KLHL29: variants seen among roughly 807,000 people sequenced by gnomAD.
KLHL29 encodes kelch-like protein 29.
A neutral mutation model predicts 80.4 loss-of-function variants in KLHL29; 21 were observed. That is an observed-to-expected ratio of 0.26 (90% CI 0.19 to 0.38). KLHL29 has a LOEUF of 0.38. KLHL29 is among the 10% of genes least tolerant of loss of function. The pLI is 1.00. For synonymous variants in KLHL29, 511 were observed against 526.8 expected, an observed-to-expected ratio of 0.97 and a Z score of 0.41; for missense variants, 867 against 1,223.9, an observed-to-expected ratio of 0.71 and a Z score of 4.35.
chr2:23,407,729 A>G (rs1161366642), intron 1 of KLHL29, among the ~76,000 whole-genome samples: 1 of 152,018 alleles, frequency 6.6e-6, no homozygotes, highest in Non-Finnish European at 1.5e-5. Context: ...ATTGTTTTGC[A>G]ATTCATTTTG....
At chr2:23,610,278 T>A (rs937892524) in intron 3 of KLHL29, among the ~76,000 whole-genome samples, 1 of 152,202 alleles carries the variant, frequency 6.6e-6, no homozygotes, top group Non-Finnish European at 1.5e-5. Flanking sequence ...CGGTACTGAA[T>A]TGCACCTTGC....
intron 3 of KLHL29, among the ~76,000 whole-genome samples, chr2:23,585,563 C>T (rs1222995802): frequency 1.3e-5 from 2 of 152,072 alleles, no homozygotes; most frequent in African/African-American, 4.8e-5. Flanking sequence ...AAGTTCAAAT[C>T]CAAGGGAAGG....
At chr2:23,533,465 C>T (rs960717207) in intron 2 of KLHL29, among the ~76,000 whole-genome samples, 5 of 152,162 alleles carry the variant, frequency 3.3e-5, no homozygotes, top group African/African-American at 7.2e-5. Context: ...TCAGAGAAAA[C>T]GTGAGCCTCT....
At chr2:23,513,696 CAGG>C (rs1172462853) in intron 2 of KLHL29, among the ~76,000 whole-genome samples, 2 of 152,074 alleles carry the variant, frequency 1.3e-5, no homozygotes, top group Non-Finnish European at 1.5e-5. Flanking sequence ...ACTCAGAGGA[CAGG>C]AGGGCAGAGG....
rs1671761113 is a variant in KLHL29 at position 23,693,591 on chromosome 2, G to T, written c.1542+63G>T. 4 of 1,486,850 alleles carry T rather than the reference G, an allele frequency of 2.7e-6. No individual in the cohort carries two copies. In the African/African-American group the frequency reaches 4.2e-5, roughly 16 times the overall value. 92.1% of individuals were successfully genotyped at this position (1,486,850 alleles called of 1,614,324 possible). ...TTTGGGGTCCCCCTGCGGCAATGGGGTCTGCAGCAAGGAGGAAGGAAGTGA... is the reference window on the plus strand; with the variant it reads ...TTTGGGGTCCCCCTGCGGCAATGGGTTCTGCAGCAAGGAGGAAGGAAGTGA... On this transcript the variant is annotated intron_variant, in intron 8 of 13. Transcript: ENST00000486442.
chr2:23,397,453 A>T (rs1305471844), intron 1 of KLHL29, among the ~76,000 whole-genome samples: 2 of 152,252 alleles, frequency 1.3e-5, no homozygotes, highest in Non-Finnish European at 2.9e-5. Flanking sequence ...CTGACTGTGA[A>T]GTCACAATTT....
chr2:23,553,472 G>A (rs1667179633), intron 2 of KLHL29, among the ~76,000 whole-genome samples: 2 of 152,224 alleles, frequency 1.3e-5, no homozygotes, highest in Admixed American at 1.3e-4. Flanking sequence ...AGATTTAAAT[G>A]TGAGGCCTTG....
chr2:23,577,100 C>A (rs1667861004), intron 3 of KLHL29, among the ~76,000 whole-genome samples: 1 of 152,212 alleles, frequency 6.6e-6, no homozygotes, highest in South Asian at 2.1e-4. Flanking sequence ...TCACAGGCGG[C>A]CCCACTGCAG....
intron 2 of KLHL29, among the ~76,000 whole-genome samples, chr2:23,484,170 G>A (rs1400182763): frequency 6.6e-6 from 1 of 152,148 alleles, no homozygotes; most frequent in African/African-American, 2.4e-5. Context: ...TCGCAGGCTG[G>A]AGACCCCTCC....
intron 1 of KLHL29, among the ~76,000 whole-genome samples, chr2:23,394,125 T>G (rs1666390589): frequency 6.6e-6 from 1 of 152,170 alleles, no homozygotes; most frequent in African/African-American, 2.4e-5. Context: ...TGCTTTCCTT[T>G]TGGTCATTTA....
intron 3 of KLHL29, among the ~76,000 whole-genome samples, chr2:23,593,173 C>A (rs1328860592): frequency 6.6e-6 from 1 of 152,214 alleles, no homozygotes; most frequent in African/African-American, 2.4e-5. Context: ...GGAGAAAGAA[C>A]ATCTTTGTCA....
rs965161781 is a variant in KLHL29, at chr2:23,562,086, G to A, written c.-45-66G>A. 8.5e-5 allele frequency: 107 copies of A among 1,266,158 alleles called. No individual in the cohort carries two copies. Among genetic ancestry groups the A allele is most frequent in the Non-Finnish European group, 1.1e-4 (98 of 911,412 alleles). 78.4% of individuals were successfully genotyped at this position (1,266,158 alleles called of 1,614,324 possible). ...TTGAACCCAGAGAAGGGGCTTCATG[G>A]ATGCTGTCAGTTGTCGCTGCCTGCT... is the stretch of plus-strand genomic sequence containing the variant. On this transcript the variant is annotated intron_variant, in intron 2 of 13. Coordinates refer to ENST00000486442, the MANE Select transcript of KLHL29 (RefSeq NM_052920.2). This position sits in a 1 kb window ranked among gnomAD's most constrained non-coding sequence, Gnocchi z 4.5.
chr2:23,595,662 C>G (rs574380130), intron 3 of KLHL29, among the ~76,000 whole-genome samples: 1 of 152,302 alleles, frequency 6.6e-6, no homozygotes, highest in Non-Finnish European at 1.5e-5. Flanking sequence ...GAGCAGTGTC[C>G]TGGTCACTTG....
At chr2:23,461,908 C>G (rs1054762076) in intron 1 of KLHL29, among the ~76,000 whole-genome samples, 2 of 151,146 alleles carry the variant, frequency 1.3e-5, no homozygotes, top group African/African-American at 4.9e-5. Context: ...GGACTGATGG[C>G]CCCTAGGGAG....
intron 3 of KLHL29, among the ~76,000 whole-genome samples, chr2:23,597,850 C>G (rs1212615002): frequency 6.6e-6 from 1 of 152,124 alleles, no homozygotes; most frequent in Admixed American, 6.5e-5. Flanking sequence ...CTTCCTGGTC[C>G]CCATCCCCGA....
At chr2:23,484,558 C>T (rs1449051186) in intron 2 of KLHL29, among the ~76,000 whole-genome samples, 1 of 152,220 alleles carries the variant, frequency 6.6e-6, no homozygotes, top group African/African-American at 2.4e-5. Flanking sequence ...GACATTCTGT[C>T]CAGGCCCTTC....
At position 23,700,370 on chromosome 2, in the gene KLHL29, T is replaced by G. The variant is rs1053381566; in HGVS notation, c.2106-2816T>G. ...AACAAAGGTAATCCATACTCAAAAT[T>G]CATCACTTCCTAATTTTTTACTACA... On this transcript the variant is annotated intron_variant, in intron 11 of 13. Coordinates refer to ENST00000486442, the MANE Select transcript of KLHL29 (RefSeq NM_052920.2). This position sits in a 1 kb window ranked among gnomAD's most constrained non-coding sequence, Gnocchi z 4.6. 6.6e-6 allele frequency among the ~76,000 whole-genome samples: 1 copy of G among 152,166 alleles called. No individual in the cohort carries two copies. The highest frequency in any genetic ancestry group is 2.1e-4 in the South Asian group (1 of 4,822).
Position 23,501,343 on chromosome 2 carries a change from T to C in KLHL29, c.-46+25676T>C, listed in dbSNP as rs1158740761. Among the ~76,000 whole-genome samples the C allele has an allele frequency of 2.0e-5, 3 of 152,120 alleles. No individual in the cohort carries two copies. The East Asian group carries it at 5.8e-4, about 29-fold the overall frequency. ...TGGATTGAACCTAATTGAGATGCCC[T>C]GTAGTGTCAGCTGGTCCCGGGGAAA... On this transcript the variant is annotated intron_variant, in intron 2 of 13. Coordinates refer to ENST00000486442, the MANE Select transcript of KLHL29 (RefSeq NM_052920.2).
chr2:23,403,724 AGAGTGTGTGTGTGTGTGTGT>A (rs1163913141), intron 1 of KLHL29, among the ~76,000 whole-genome samples: 2 of 140,184 alleles, frequency 1.4e-5, no homozygotes, highest in African/African-American at 5.7e-5. Context: ...AGAGAGAGAG[AGAGTGTGTGTGTGTGTGTGT>A]GTGTGTGTGT....
Sources: gnomAD v4.1 joint callset for allele counts (sites outside exome capture counted in the v4.1 genomes callset) on GRCh38, gnomAD v4.1.1 for gene constraint, Gnocchi (gnomAD v3.1) non-coding constraint, MANE v1.5 for transcripts, NCBI Gene and HGNC (gene_info 2026-07-23, HGNC 2026-07-21) for gene names.